Variants in PHACTR1 observed in about 807,000 individuals in gnomAD.
The protein encoded by PHACTR1 is RPEL repeat containing 1.
In PHACTR1, 16 loss-of-function variants were observed where a neutral mutation model predicts 69.2. The observed-to-expected ratio is 0.23, with a 90% CI of 0.16 to 0.35. PHACTR1 has a LOEUF of 0.35. PHACTR1 is among the 10% of genes least tolerant of loss of function. The pLI, the probability that PHACTR1 is intolerant of heterozygous loss-of-function variation, is 1.00. For missense variants in PHACTR1, 510 were observed against 734.7 expected (o/e 0.69, Z 3.54); for synonymous variants, 312 against 284.5 (o/e 1.10, Z -0.97).
chr6:12,857,047 CT>C (rs1177946025), intron 4 of PHACTR1, among the ~76,000 whole-genome samples: 2 of 152,098 alleles, frequency 1.3e-5, no homozygotes, highest in Non-Finnish European at 2.9e-5. Context: ...AAACAACCAA[CT>C]AAAAAAAGTA....
At chr6:13,152,371 G>A (rs1824446802) in intron 5 of PHACTR1, among the ~76,000 whole-genome samples, 1 of 152,134 alleles carries the variant, frequency 6.6e-6, no homozygotes, top group Non-Finnish European at 1.5e-5. Context: ...AGAGGCATAG[G>A]ATTCCCTGGC....
intron 5 of PHACTR1, among the ~76,000 whole-genome samples, chr6:13,082,681 C>T (rs1811585568): frequency 6.6e-6 from 1 of 152,152 alleles, no homozygotes; most frequent in Admixed American, 6.6e-5. Flanking sequence ...TTTTGATTTG[C>T]ATTTCTCTGA....
intron 6 of PHACTR1, among the ~76,000 whole-genome samples, chr6:13,164,569 T>C (rs1759514925): frequency 6.6e-6 from 1 of 152,238 alleles, no homozygotes; most frequent in Non-Finnish European, 1.5e-5. Flanking sequence ...ATGCTGTTTG[T>C]GTGCACGATA....
intron 4 of PHACTR1, among the ~76,000 whole-genome samples, chr6:12,817,164 G>A (rs547120176): frequency 1.3e-5 from 2 of 152,212 alleles, no homozygotes; most frequent in African/African-American, 4.8e-5. Flanking sequence ...TATAAACCTT[G>A]GCTGCCTTTT....
chr6:12,936,941 A>T (rs1383210109), intron 4 of PHACTR1, among the ~76,000 whole-genome samples: 1 of 152,170 alleles, frequency 6.6e-6, no homozygotes, highest in Non-Finnish European at 1.5e-5. Flanking sequence ...ATTTTTTTAA[A>T]GTGTCTGAGG....
intron 4 of PHACTR1, among the ~76,000 whole-genome samples, chr6:12,854,747 T>C (rs1780171895): frequency 6.6e-6 from 1 of 152,088 alleles, no homozygotes; most frequent in Admixed American, 6.5e-5. Context: ...CAAACACTTC[T>C]CAAAAGACAT....
At chr6:12,927,527 T>A (rs1788403683) in intron 4 of PHACTR1, among the ~76,000 whole-genome samples, 1 of 152,230 alleles carries the variant, frequency 6.6e-6, no homozygotes, top group Non-Finnish European at 1.5e-5. Flanking sequence ...GTACTATTAG[T>A]ATTCCCATTT....
At chr6:13,132,259 AC>A (rs1225980404) in intron 5 of PHACTR1, among the ~76,000 whole-genome samples, 1 of 151,732 alleles carries the variant, frequency 6.6e-6, no homozygotes, top group Non-Finnish European at 1.5e-5. Flanking sequence ...ATGGAGCCAA[AC>A]TCTTTCCCTT....
At chr6:12,797,040 T>TGTGTGTGTGTGTGTGTGTGAGAGAGA (rs563796658) in intron 4 of PHACTR1, among the ~76,000 whole-genome samples, 7 of 133,320 alleles carry the variant, frequency 5.3e-5, no homozygotes, top group African/African-American at 2.0e-4. Flanking sequence ...TGTGTGTGTG[T>TGTGTGTGTGTGTGTGTGTGAGAGAGA]GAGAGAGAGA....
chr6:13,049,357 T>C (rs950634401), intron 4 of PHACTR1, among the ~76,000 whole-genome samples: 4 of 152,244 alleles, frequency 2.6e-5, no homozygotes, highest in Non-Finnish European at 4.4e-5. Flanking sequence ...TAAGTCATTA[T>C]TGAGTGCCAA....
intron 4 of PHACTR1, among the ~76,000 whole-genome samples, chr6:12,924,432 T>C (rs1398890145): frequency 6.6e-6 from 1 of 152,178 alleles, no homozygotes; most frequent in East Asian, 1.9e-4. Context: ...CTTTTGGCAA[T>C]GCACTAATTT....
At chr6:13,090,216 G>C (rs541353216) in intron 5 of PHACTR1, among the ~76,000 whole-genome samples, 2 of 152,008 alleles carry the variant, frequency 1.3e-5, no homozygotes, top group South Asian at 4.2e-4. Flanking sequence ...CACCATGCCC[G>C]GCTAATGTTT....
chr6:13,263,238 G>GTTTTTTTTTTTTT (rs57164668), intron 10 of PHACTR1, among the ~76,000 whole-genome samples: 3 of 84,272 alleles, frequency 3.6e-5, no homozygotes, highest in Non-Finnish European at 4.7e-5. Flanking sequence ...GGCTTTTAGT[G>GTTTTTTTTTTTTT]TTTTTTTTTT....
At chr6:12,954,338 G>A (rs558986143) in intron 4 of PHACTR1, among the ~76,000 whole-genome samples, 53 of 151,834 alleles carry the variant, frequency 3.5e-4, no homozygotes, top group African/African-American at 1.2e-3. Flanking sequence ...TTTAAGCTGA[G>A]AAGCTATATG....
chr6:12,853,774 C>T lies in PHACTR1; in HGVS notation c.250+103984C>T, dbSNP rs896260629. 3.9e-5 allele frequency among the ~76,000 whole-genome samples: 6 copies of T among 152,126 alleles called. No homozygotes were observed. In the South Asian group the frequency reaches 8.3e-4, roughly 21 times the overall value. On this transcript the variant is annotated intron_variant, in intron 4 of 14. Coordinates refer to ENST00000332995, the MANE Select transcript of PHACTR1 (RefSeq NM_030948.6). ...CATGAGAACAGGATGGGGGAAACTGCCCCCCTGATTCAGTTATCTCTACCT... is the reference window on the plus strand; with the variant it reads ...CATGAGAACAGGATGGGGGAAACTGTCCCCCTGATTCAGTTATCTCTACCT...
intron 8 of PHACTR1, among the ~76,000 whole-genome samples, chr6:13,217,258 C>T (rs991690043): frequency 5.9e-5 from 9 of 152,124 alleles, no homozygotes; most frequent in African/African-American, 2.2e-4. Flanking sequence ...GAGGTGGGCA[C>T]CTAGGTTTCT....
intron 3 of PHACTR1, among the ~76,000 whole-genome samples, chr6:12,725,480 G>T (rs548606430): frequency 3.3e-5 from 5 of 152,186 alleles, no homozygotes; most frequent in African/African-American, 7.2e-5. Context: ...AGCTGTTCAC[G>T]CCTACACTAC....
rs550430746 is a variant in PHACTR1 at position 12,829,910 on chromosome 6, A to C, written c.250+80120A>C. ...GAGGCGGAGGTTGCAGTGAGCCAAGATTGTGCCACTGCTCTCCAGTCTGGG... is the reference window on the plus strand; with the variant it reads ...GAGGCGGAGGTTGCAGTGAGCCAAGCTTGTGCCACTGCTCTCCAGTCTGGG... On this transcript the variant is annotated intron_variant, in intron 4 of 14. Coordinates refer to ENST00000332995, the MANE Select transcript of PHACTR1 (RefSeq NM_030948.6). 2.5e-4 allele frequency among the ~76,000 whole-genome samples: 37 copies of C among 149,064 alleles called. No homozygotes were observed. The South Asian group carries it at 8.1e-3, about 33-fold the overall frequency.
At chr6:13,274,882 C>T (rs1455580582) in intron 11 of PHACTR1, 1 of 152,186 alleles carries the variant, frequency 6.6e-6, no homozygotes, top group Non-Finnish European at 1.5e-5. Context: ...ACTACTTGAC[C>T]AATTCTAACA....
Sources: allele counts gnomAD v4.1 joint callset (sites outside exome capture counted in the v4.1 genomes callset), GRCh38; gene constraint gnomAD v4.1.1; transcripts MANE v1.5; gene names NCBI Gene and HGNC (gene_info 2026-07-23, HGNC 2026-07-21).